Variants in SIL1 observed in about 807,000 individuals in gnomAD.
The protein encoded by SIL1 is nucleotide exchange factor SIL1.
Under a neutral mutation model 49.1 loss-of-function variants are expected in SIL1, and 40 were observed. The ratio of observed to expected loss-of-function variants is 0.81; its 90% CI spans 0.63 to 1.06. The LOEUF is 1.06. Ranked by LOEUF, SIL1 falls within the 50% of genes least tolerant of loss-of-function variation. The pLI is 0.00. For missense variants in SIL1, 500 were observed against 572.6 expected (o/e 0.87, Z 1.29); for synonymous variants, 253 against 250.8 (o/e 1.01, Z -0.08).
At chr5:139,156,166 C>A (rs1447564469) in intron 1 of SIL1, among the ~76,000 whole-genome samples, 2 of 152,084 alleles carry the variant, frequency 1.3e-5, no homozygotes, top group Non-Finnish European at 2.9e-5. Flanking sequence ...TTCTGGATAC[C>A]AGGCATCAAC....
chr5:139,176,983 A>G (rs1751897515), intron 1 of SIL1, among the ~76,000 whole-genome samples: 1 of 119,444 alleles, frequency 8.4e-6, no homozygotes. Context: ...CCCAGGCTGG[A>G]GTGCAGTGAC....
Position 138,947,755 on chromosome 5 carries a change from T to G in SIL1, c.1030-282A>C, listed in dbSNP as rs1350101758. On this transcript the variant is annotated intron_variant, in intron 9 of 9. Coordinates refer to ENST00000394817, the MANE Select transcript of SIL1 (RefSeq NM_022464.5). This position sits in a 1 kb window ranked among gnomAD's most constrained non-coding sequence, Gnocchi z 4.1. Reference sequence around the variant, plus strand: ...GTCTAGCAGGAGAATAAAAATTAACTAATTCCCAAATAGCATAAATGTAAT... The same window carrying G: ...GTCTAGCAGGAGAATAAAAATTAACGAATTCCCAAATAGCATAAATGTAAT... Among the ~76,000 whole-genome samples the G allele has an allele frequency of 1.3e-5, 2 of 152,238 alleles. No homozygotes were observed. Among genetic ancestry groups the G allele is most frequent in the Non-Finnish European group, 2.9e-5 (2 of 68,046 alleles).
chr5:139,104,631 T>G (rs762590548), intron 3 of SIL1, among the ~76,000 whole-genome samples: 6 of 152,198 alleles, frequency 3.9e-5, no homozygotes, highest in Non-Finnish European at 7.3e-5. Flanking sequence ...CCTGGAGGCC[T>G]CAACGACCCT....
At chr5:139,148,845 C>T (rs960854431) in intron 1 of SIL1, among the ~76,000 whole-genome samples, 3 of 152,158 alleles carry the variant, frequency 2.0e-5, no homozygotes, top group Non-Finnish European at 4.4e-5. Context: ...TTCTATTTTG[C>T]CTAAAGGGCT....
intron 5 of SIL1, among the ~76,000 whole-genome samples, chr5:139,040,258 AG>A (rs2150444207): frequency 6.6e-6 from 1 of 152,328 alleles, no homozygotes; most frequent in East Asian, 1.9e-4. Flanking sequence ...GCACATTGGC[AG>A]TGAGCTGAGT....
chr5:138,957,130 C>T (rs1766920495), intron 7 of SIL1, among the ~76,000 whole-genome samples: 1 of 152,132 alleles, frequency 6.6e-6, no homozygotes, highest in Non-Finnish European at 1.5e-5. Context: ...CATCTGCCCA[C>T]CTCTGAGGAG....
chr5:139,011,741 G>T (rs564679717), intron 7 of SIL1, among the ~76,000 whole-genome samples: 24 of 152,242 alleles, frequency 1.6e-4, no homozygotes, highest in African/African-American at 4.1e-4. Flanking sequence ...ATGATCATAG[G>T]AAGATTTTTG....
At chr5:139,090,616 AG>A (rs1770322241) in intron 3 of SIL1, among the ~76,000 whole-genome samples, 2 of 152,124 alleles carry the variant, frequency 1.3e-5, no homozygotes, top group African/African-American at 2.4e-5. Flanking sequence ...CTATAGGGAA[AG>A]CACTTTCTTT....
At chr5:139,058,173 G>A (rs1769498678) in intron 3 of SIL1, among the ~76,000 whole-genome samples, 1 of 152,140 alleles carries the variant, frequency 6.6e-6, no homozygotes, top group Non-Finnish European at 1.5e-5. Context: ...AAAAAAGCAT[G>A]TATCATATGA....
intron 5 of SIL1, chr5:139,034,551 C>G (rs1222278570): frequency 2.6e-5 from 4 of 152,082 alleles, no homozygotes; most frequent in African/African-American, 9.7e-5. Flanking sequence ...TAAGTAACAT[C>G]ATAATCTACT....
At chr5:139,179,148 A>T (rs1054202540) in intron 1 of SIL1, among the ~76,000 whole-genome samples, 1 of 152,194 alleles carries the variant, frequency 6.6e-6, no homozygotes, top group Non-Finnish European at 1.5e-5. Flanking sequence ...CCAAAATAAA[A>T]GTTCCCAGCA....
intron 3 of SIL1, among the ~76,000 whole-genome samples, chr5:139,118,630 C>A (rs1174836323): frequency 6.6e-6 from 1 of 152,172 alleles, no homozygotes; most frequent in South Asian, 2.1e-4. Flanking sequence ...ATTTACCTAC[C>A]CATCCAGTTC....
chr5:138,952,631 C>T (rs1766808504), intron 7 of SIL1, among the ~76,000 whole-genome samples: 1 of 152,230 alleles, frequency 6.6e-6, no homozygotes, highest in African/African-American at 2.4e-5. Flanking sequence ...ATGAACAACA[C>T]GTGTACACAA....
At chr5:139,176,342 T>G (rs1239006910) in intron 1 of SIL1, among the ~76,000 whole-genome samples, 1 of 152,150 alleles carries the variant, frequency 6.6e-6, no homozygotes, top group African/African-American at 2.4e-5. Flanking sequence ...TTCTGAACCT[T>G]CGTCGGAATT....
At chr5:139,012,856 T>G (rs955154805) in intron 7 of SIL1, 3 of 152,212 alleles carry the variant, frequency 2.0e-5, no homozygotes, top group African/African-American at 7.2e-5. Flanking sequence ...GCCTGTGGTC[T>G]CAGCTAGACA....
intron 1 of SIL1, among the ~76,000 whole-genome samples, chr5:139,169,439 GGT>G (rs141578492): frequency 2.7e-5 from 4 of 150,644 alleles, no homozygotes; most frequent in Non-Finnish European, 4.4e-5. Flanking sequence ...AGAAAAGTAT[GGT>G]GTGTGTGTGT....
At chr5:139,025,312 C>A (rs1768620034) in intron 6 of SIL1, among the ~76,000 whole-genome samples, 1 of 152,198 alleles carries the variant, frequency 6.6e-6, no homozygotes, top group Non-Finnish European at 1.5e-5. Context: ...TAGGGTCAGA[C>A]AGACCTTGCT....
intron 1 of SIL1, among the ~76,000 whole-genome samples, chr5:139,129,408 G>A (rs922982916): frequency 6.6e-6 from 1 of 152,232 alleles, no homozygotes; most frequent in Non-Finnish European, 1.5e-5. Flanking sequence ...GTTGGGGCCA[G>A]GTGTGGTGGC....
chr5:139,104,229 A>G (rs556375209), intron 3 of SIL1, among the ~76,000 whole-genome samples: 202 of 152,330 alleles, frequency 1.3e-3, no homozygotes, highest in African/African-American at 4.6e-3. Context: ...AATTGTAGGT[A>G]ACAGACTGGG....
Sources: gnomAD v4.1 joint callset for allele counts (sites outside exome capture counted in the v4.1 genomes callset) on GRCh38, gnomAD v4.1.1 for gene constraint, Gnocchi (gnomAD v3.1) non-coding constraint, MANE v1.5 for transcripts, NCBI Gene and HGNC (gene_info 2026-07-23, HGNC 2026-07-21) for gene names.